Variants in CEP85L observed in about 807,000 individuals in gnomAD.
CEP85L encodes the protein centrosomal protein 85L, also known as centrosomal protein of 85 kDa-like.
CEP85L carries 60 observed loss-of-function variants against 100.3 expected under a neutral mutation model. The ratio of observed to expected loss-of-function variants is 0.60; its 90% CI spans 0.49 to 0.74. CEP85L has a LOEUF of 0.74. CEP85L is among the 30% of genes least tolerant of loss of function. The pLI is 0.00. For missense variants in CEP85L, 973 were observed against 936.2 expected (o/e 1.04, Z -0.51); for synonymous variants, 319 against 322.7 (o/e 0.99, Z 0.12).
Position 118,560,120 on chromosome 6 carries a change from CTAAT to C in CEP85L, c.1020+5405_1020+5408del, listed in dbSNP as rs1364767191. 4 of 166,928 alleles carry C rather than the reference CTAAT, an allele frequency of 2.4e-5. No homozygotes were observed. The East Asian group carries it at 5.8e-4, about 24-fold the overall frequency. 10.3% of individuals were successfully genotyped at this position (166,928 alleles called of 1,614,324 possible). On this transcript the variant is annotated intron_variant, in intron 3 of 12. Coordinates refer to ENST00000368491, the MANE Select transcript of CEP85L (RefSeq NM_001042475.3). ...TATGAATTCTCTCTCCAAATATTAA[CTAAT>C]TATTAGATTATATTTTGAAATGAAC...
intron 5 of CEP85L, among the ~76,000 whole-genome samples, chr6:118,493,533 T>G (rs1774709780): frequency 6.6e-6 from 1 of 152,124 alleles, no homozygotes; most frequent in African/African-American, 2.4e-5. Context: ...TTTAAAGAAA[T>G]TATTCTAACT....
At chr6:118,597,063 C>T (rs1465909399) in intron 2 of CEP85L, among the ~76,000 whole-genome samples, 2 of 152,132 alleles carry the variant, frequency 1.3e-5, no homozygotes, top group East Asian at 1.9e-4. Context: ...TTTTTTTCCC[C>T]CTTTGCTCGA....
chr6:118,531,410 T>C (rs1291714898), intron 3 of CEP85L, among the ~76,000 whole-genome samples: 3 of 152,080 alleles, frequency 2.0e-5, no homozygotes, highest in Admixed American at 2.0e-4. Context: ...ATAAAAACCC[T>C]GGAGAATAAC....
At chr6:118,537,646 T>C (rs948637021) in intron 3 of CEP85L, 2 of 985,218 alleles carry the variant, frequency 2.0e-6, no homozygotes, top group African/African-American at 1.7e-5. Context: ...CCAAAATATG[T>C]CACTTAATGG....
At chr6:118,570,424 C>CTT (rs1779819388) in intron 2 of CEP85L, among the ~76,000 whole-genome samples, 1 of 152,174 alleles carries the variant, frequency 6.6e-6, no homozygotes, top group Non-Finnish European at 1.5e-5. Flanking sequence ...TAATGGGCTA[C>CTT]TTTCCAATCT....
At chr6:118,653,749 A>ATG (rs61103713), upstream of CEP85L, among the ~76,000 whole-genome samples, 40,828 of 148,090 alleles carry the variant, frequency 0.28, 5,590 homozygotes, top group Non-Finnish European at 0.31. Context: ...GACTCTGTGT[A>ATG]TGTGTGTGTG....
At chr6:118,469,814 CT>C (rs1200317328) in intron 11 of CEP85L, among the ~76,000 whole-genome samples, 20 of 152,184 alleles carry the variant, frequency 1.3e-4, no homozygotes, top group African/African-American at 4.8e-4. Context: ...ATTGCCTAAG[CT>C]GGTCTCAAAC....
Position 118,651,398 on chromosome 6 carries a change from C to T in CEP85L, c.-129G>A. On this transcript the variant is annotated 5_prime_UTR_variant, in exon 1 of 13. Transcript: ENST00000368491. ...ACGGGCAGGAGGAAAGGCGGGATGG[C>T]TGGTTAACGGCTGCTCAGCTACGGG... The T allele has an allele frequency of 7.4e-7, 1 of 1,355,674 alleles. No homozygotes were observed. The highest frequency in any genetic ancestry group is 1.5e-5 in the African/African-American group (1 of 65,400). 84.0% of individuals were successfully genotyped at this position (1,355,674 alleles called of 1,614,324 possible).
chr6:118,590,127 G>GTCC (rs779852826), intron 2 of CEP85L, among the ~76,000 whole-genome samples: 19 of 151,948 alleles, frequency 1.3e-4, no homozygotes, highest in Non-Finnish European at 2.4e-4. Flanking sequence ...TCGCTAATGA[G>GTCC]TCCTGGTCAA....
chr6:118,648,305 C>T (rs376429037), intron 1 of CEP85L, among the ~76,000 whole-genome samples: 4 of 152,034 alleles, frequency 2.6e-5, no homozygotes, highest in African/African-American at 9.7e-5. Context: ...AACAGTTACT[C>T]CAAAAAGCTG....
rs1327752442 is a variant in CEP85L at position 118,469,275 on chromosome 6, G to C, written c.2051C>G (p.Ser684Cys). Residue 684 changes from serine (S) to cysteine (C), a missense_variant, in exon 12 of 13, where the codon TCT becomes TGT. By Grantham distance (112) the Ser-to-Cys change is moderately radical. Coordinates refer to ENST00000368491, the MANE Select transcript of CEP85L (RefSeq NM_001042475.3). ...ENQRQTDETCSLLDQGQEPDQ... is the reference protein window; with the variant it reads ...ENQRQTDETCCLLDQGQEPDQ... The stretch of plus-strand genomic sequence containing the variant: ...AGGTTCCTGGCCCTGATCCAATAAA[G>C]AGCATGTCTCATCTGTTTGTCTTTG... The C allele has an allele frequency of 6.2e-7, 1 of 1,613,816 alleles. No individual in the cohort carries two copies. The highest frequency in any genetic ancestry group is 1.3e-5 in the African/African-American group (1 of 74,904).
In CEP85L at chr6:118,585,542, C is replaced by G. The variant is rs182581138; in HGVS notation, c.233-19226G>C. Among the ~76,000 whole-genome samples the G allele has an allele frequency of 3.9e-3, 599 of 152,182 alleles. 1 individual carries two copies. Among genetic ancestry groups the G allele is most frequent in the Non-Finnish European group, 6.2e-3 (419 of 68,000 alleles). ...GAGAAATTAAACCTCAGTACTCCCC[C>G]ACAGAAATAGGATGGGCCACTTCTC... On this transcript the variant is annotated intron_variant, in intron 2 of 12. Coordinates refer to ENST00000368491, the MANE Select transcript of CEP85L (RefSeq NM_001042475.3).
intron 1 of CEP85L, among the ~76,000 whole-genome samples, chr6:118,660,980 G>T (rs1188959295): frequency 6.6e-6 from 1 of 152,000 alleles, no homozygotes; most frequent in Non-Finnish European, 1.5e-5. Flanking sequence ...CGGCCTCCTG[G>T]GTTCAGGCAA....
At chr6:118,693,734 A>T (rs1343713324) in intron 1 of CEP85L, among the ~76,000 whole-genome samples, 1 of 152,176 alleles carries the variant, frequency 6.6e-6, no homozygotes, top group Non-Finnish European at 1.5e-5. Flanking sequence ...TTAGCATCAG[A>T]TATCACAGCT....
At chr6:118,579,993 G>C (rs983860158) in intron 2 of CEP85L, among the ~76,000 whole-genome samples, 3 of 152,004 alleles carry the variant, frequency 2.0e-5, no homozygotes, top group South Asian at 4.2e-4. Context: ...CCCTGCATTT[G>C]CATATTAAAA....
At chr6:118,627,593 T>C (rs1773885611) in intron 2 of CEP85L, among the ~76,000 whole-genome samples, 2 of 152,202 alleles carry the variant, frequency 1.3e-5, no homozygotes, top group Admixed American at 1.3e-4. Flanking sequence ...AGGCTGAGTA[T>C]GAAGAAGTCT....
At chr6:118,703,668 C>A (rs570194023) in intron 1 of CEP85L, among the ~76,000 whole-genome samples, 50 of 152,292 alleles carry the variant, frequency 3.3e-4, no homozygotes, top group African/African-American at 1.2e-3. Context: ...TGGGAAAATG[C>A]TATTCCTCTC....
At chr6:118,485,592 T>C (rs1235324008) in intron 6 of CEP85L, among the ~76,000 whole-genome samples, 4 of 152,184 alleles carry the variant, frequency 2.6e-5, no homozygotes, top group Non-Finnish European at 5.9e-5. Context: ...AAACCTTACA[T>C]ACTGTTGGCA....
intron 1 of CEP85L, among the ~76,000 whole-genome samples, chr6:118,660,404 C>CT (rs1490453704): frequency 6.6e-6 from 1 of 152,230 alleles, no homozygotes; most frequent in Admixed American, 6.5e-5. Context: ...TGGAGTACTG[C>CT]TGCAGTCAGG....
Sources: allele counts gnomAD v4.1 joint callset (sites outside exome capture counted in the v4.1 genomes callset), GRCh38; gene constraint gnomAD v4.1.1; transcripts MANE v1.5; gene names NCBI Gene and HGNC (gene_info 2026-07-23, HGNC 2026-07-21).